PCDHGA11: variants seen among roughly 807,000 people sequenced by gnomAD.
The protein encoded by PCDHGA11 is protocadherin gamma subfamily A, 11.
A neutral mutation model predicts 60.4 loss-of-function variants in PCDHGA11; 39 were observed. That is an observed-to-expected ratio of 0.65 (90% CI 0.50 to 0.84). PCDHGA11 has a LOEUF of 0.84. PCDHGA11 is among the 40% of genes least tolerant of loss of function. The pLI is 0.00. For synonymous variants in PCDHGA11, 533 were observed against 510.3 expected, an observed-to-expected ratio of 1.04 and a Z score of -0.60; for missense variants, 1,165 against 1,197.7, an observed-to-expected ratio of 0.97 and a Z score of 0.40.
rs778054090 is a variant in PCDHGA11 at position 141,505,509 on chromosome 5, G to C, written c.2581+28G>C. On this transcript the variant is annotated intron_variant, in intron 3 of 3. Coordinates refer to ENST00000398587, the MANE Select transcript of PCDHGA11 (RefSeq NM_018914.3). ...AAGTGGTGTCAGTGTGTGTATGGAA[G>C]AGTGGGAGACCTGGGGTTCTGGGGT... The C allele has an allele frequency of 3.7e-6, 6 of 1,614,058 alleles. No homozygotes were observed. The East Asian group carries it at 1.1e-4, about 30-fold the overall frequency.
rs141556649 is a variant in PCDHGA11 at position 141,492,225 on chromosome 5, C to T, written c.2434-2582C>T. ...GTGTGCGCGCGGGGCTCATGCGTGT[C>T]CTCCCTGCTGGCCACCCCCACGGCC... On this transcript the variant is annotated intron_variant, in intron 1 of 3. Transcript: ENST00000398587. Among the ~76,000 whole-genome samples the T allele has an allele frequency of 2.4e-3, 361 of 152,274 alleles. No individual in the cohort carries two copies. In the Middle Eastern group the frequency reaches 0.024, roughly 10 times the overall value.
In PCDHGA11 at chr5:141,432,508, G is replaced by A. The variant is rs1306067848; in HGVS notation, c.2433+8848G>A. ...TGGAGCTGGCTCCCCGCTCCGCAGA[G>A]CCCGGCTACCTGGTGACCAAGGTGG... On this transcript the variant is annotated intron_variant, in intron 1 of 3. Coordinates refer to ENST00000398587, the MANE Select transcript of PCDHGA11 (RefSeq NM_018914.3). This position sits in a 1 kb window ranked among gnomAD's most constrained non-coding sequence, Gnocchi z 6.0. The A allele has an allele frequency of 1.9e-6, 3 of 1,614,136 alleles. No individual in the cohort carries two copies. Among genetic ancestry groups the A allele is most frequent in the Non-Finnish European group, 2.5e-6 (3 of 1,180,034 alleles).
intron 1 of PCDHGA11, among the ~76,000 whole-genome samples, chr5:141,472,242 A>T (rs1342571385): frequency 6.6e-6 from 1 of 152,186 alleles, no homozygotes; most frequent in East Asian, 1.9e-4. Flanking sequence ...TTCACTTTCT[A>T]TTTTAAAGTT....
chr5:141,485,060 G>C lies in PCDHGA11; in HGVS notation c.2434-9747G>C. ...ACCCTTGCGGCGCCGGCCGAACCGCGCCAGAGCTGGCGCGGGGAAAGGGAG... is the reference window on the plus strand; with the variant it reads ...ACCCTTGCGGCGCCGGCCGAACCGCCCCAGAGCTGGCGCGGGGAAAGGGAG... On this transcript the variant is annotated intron_variant, in intron 1 of 3. Transcript: ENST00000398587. This position sits in a 1 kb window ranked among gnomAD's most constrained non-coding sequence, Gnocchi z 5.7. 1 of 862,304 alleles carries C rather than the reference G, an allele frequency of 1.2e-6. No individual in the cohort carries two copies. The highest frequency in any genetic ancestry group is 1.9e-6 in the Non-Finnish European group (1 of 540,422). 53.4% of individuals were successfully genotyped at this position (862,304 alleles called of 1,614,324 possible).
intron 1 of PCDHGA11, among the ~76,000 whole-genome samples, chr5:141,481,790 A>C (rs2154579313): frequency 6.6e-6 from 1 of 152,222 alleles, no homozygotes; most frequent in East Asian, 1.9e-4. Flanking sequence ...CGTCTCTACT[A>C]AAAATACAAA....
intron 1 of PCDHGA11, among the ~76,000 whole-genome samples, chr5:141,445,871 T>C (rs1318495005): frequency 6.6e-6 from 1 of 152,198 alleles, no homozygotes; most frequent in Non-Finnish European, 1.5e-5. Context: ...TTGTTCTAAA[T>C]ACCCTTGTAC....
At chr5:141,482,790 G>A (rs2099572686) in intron 1 of PCDHGA11, among the ~76,000 whole-genome samples, 1 of 128,870 alleles carries the variant, frequency 7.8e-6, no homozygotes, top group African/African-American at 3.5e-5. Context: ...CTGTGTGTGT[G>A]GCCGGGTACG....
Position 141,490,486 on chromosome 5 carries a change from G to A in PCDHGA11, c.2434-4321G>A, listed in dbSNP as rs1187388706. The A allele has an allele frequency of 1.2e-6, 2 of 1,614,090 alleles. No individual in the cohort carries two copies. On this transcript the variant is annotated intron_variant, in intron 1 of 3. Transcript: ENST00000398587. The surrounding 1 kb of genome is among the most constrained non-coding windows in gnomAD (Gnocchi z 5.4). ...AACCAGCCAGCCTTTGGACCGGGAG[G>A]CCACATCCCACTATATCATCGAGCT...
chr5:141,466,068 G>C (rs1278308918), intron 1 of PCDHGA11, among the ~76,000 whole-genome samples: 4 of 152,080 alleles, frequency 2.6e-5, no homozygotes, highest in Admixed American at 2.6e-4. Flanking sequence ...CTTGCAGTGA[G>C]CTGATATCAT....
At position 141,423,248 on chromosome 5, in the gene PCDHGA11, C is replaced by A; in HGVS notation, c.2021C>A (p.Ala674Glu). Residue 674 changes from alanine (A) to glutamate (E), a missense_variant, in exon 1 of 4, where the codon GCG becomes GAG. Physicochemically the swap from Ala to Glu is moderately radical, Grantham distance 107. Coordinates refer to ENST00000398587, the MANE Select transcript of PCDHGA11 (RefSeq NM_018914.3). ...GCCGACAGCATCCCCGAAGTCCTGGCGGACCTCGGCAGCCTCGAGTCTCTG... is the reference window on the plus strand; with the variant it reads ...GCCGACAGCATCCCCGAAGTCCTGGAGGACCTCGGCAGCCTCGAGTCTCTG... ...AVADSIPEVL[A>E]DLGSLESLAN... The A allele has an allele frequency of 6.2e-7, 1 of 1,613,888 alleles. No homozygotes were observed. The highest frequency in any genetic ancestry group is 8.5e-7 in the Non-Finnish European group (1 of 1,179,982).
At position 141,432,595 on chromosome 5, in the gene PCDHGA11, C is replaced by G; in HGVS notation, c.2433+8935C>G. 6.2e-7 allele frequency: 1 copy of G among 1,613,756 alleles called. No individual in the cohort carries two copies. Among genetic ancestry groups the G allele is most frequent in the Admixed American group, 1.7e-5 (1 of 60,018 alleles). ...TGTCCTACCGTCTGCTCAAGGCCAG[C>G]GAGCCGGGACTCTTCTCGGTGGGTC... On this transcript the variant is annotated intron_variant, in intron 1 of 3. Transcript: ENST00000398587. This position sits in a 1 kb window ranked among gnomAD's most constrained non-coding sequence, Gnocchi z 6.0.
rs188373658 is a variant in PCDHGA11 at position 141,492,228 on chromosome 5, C to T, written c.2434-2579C>T. ...TGCGCGCGGGGCTCATGCGTGTCCT[C>T]CCTGCTGGCCACCCCCACGGCCCAC... On this transcript the variant is annotated intron_variant, in intron 1 of 3. Coordinates refer to ENST00000398587, the MANE Select transcript of PCDHGA11 (RefSeq NM_018914.3). Among the ~76,000 whole-genome samples the T allele has an allele frequency of 5.3e-5, 8 of 152,292 alleles. No individual in the cohort carries two copies. In the East Asian group the frequency reaches 1.2e-3, roughly 22 times the overall value.
Position 141,431,669 on chromosome 5 carries a change from A to G in PCDHGA11, c.2433+8009A>G, listed in dbSNP as rs2154554523. ...TTGTAATTCAGGGACAATATCAACA[A>G]TAGGGGAGTTGGACCACGAGGAGTC... On this transcript the variant is annotated intron_variant, in intron 1 of 3. Transcript: ENST00000398587. The surrounding 1 kb of genome is among the most constrained non-coding windows in gnomAD (Gnocchi z 4.8). 2 of 1,614,210 alleles carry G rather than the reference A, an allele frequency of 1.2e-6. No individual in the cohort carries two copies. Among genetic ancestry groups the G allele is most frequent in the South Asian group, 1.1e-5 (1 of 91,084 alleles).
chr5:141,430,560 G>T (rs1184226832), intron 1 of PCDHGA11: 1 of 420,160 alleles, frequency 2.4e-6, no homozygotes, highest in Non-Finnish European at 4.1e-6. Context: ...ACCAATCGGG[G>T]AGAGAAAAGC....
chr5:141,486,322 A>G lies in PCDHGA11; in HGVS notation c.2434-8485A>G. The G allele has an allele frequency of 1.9e-6, 3 of 1,613,926 alleles. No homozygotes were observed. The highest frequency in any genetic ancestry group is 2.5e-6 in the Non-Finnish European group (3 of 1,179,962). On this transcript the variant is annotated intron_variant, in intron 1 of 3. Coordinates refer to ENST00000398587, the MANE Select transcript of PCDHGA11 (RefSeq NM_018914.3). This position sits in a 1 kb window ranked among gnomAD's most constrained non-coding sequence, Gnocchi z 5.0. ...AGGATCCAGACTCAGGGTCAAACGG[A>G]GATGTGAGCCTCCGCATTCCTGACC...
chr5:141,443,309 C>T (rs2098379780), intron 1 of PCDHGA11, among the ~76,000 whole-genome samples: 1 of 131,436 alleles, frequency 7.6e-6, no homozygotes, highest in African/African-American at 3.4e-5. Flanking sequence ...GGCAAAAACC[C>T]ATCTCTACAA....
Position 141,510,982 on chromosome 5 carries a change from G to A in PCDHGA11, c.2617G>A (p.Ala873Thr). The A allele has an allele frequency of 3.1e-6, 5 of 1,614,166 alleles. No homozygotes were observed. Among genetic ancestry groups the A allele is most frequent in the Non-Finnish European group, 3.4e-6 (4 of 1,180,018 alleles). Reference protein sequence around the residue: ...ADGSSTLGGGAGTMGLSARYG... With the variant: ...ADGSSTLGGGTGTMGLSARYG... Reference sequence around the variant, plus strand: ...TGGGAGCTCCACCCTGGGAGGGGGTGCCGGCACCATGGGATTGAGCGCCCG... The same window carrying A: ...TGGGAGCTCCACCCTGGGAGGGGGTACCGGCACCATGGGATTGAGCGCCCG... The change falls in exon 4 of 4, where the codon GCC (alanine) becomes ACC (threonine). Residue 873 changes from alanine to threonine, a missense_variant. Coordinates refer to ENST00000398587, the MANE Select transcript of PCDHGA11 (RefSeq NM_018914.3).
At position 141,423,237 on chromosome 5, in the gene PCDHGA11, C is replaced by A; in HGVS notation, c.2010C>A (p.Pro670=). The A allele has an allele frequency of 6.2e-7, 1 of 1,613,916 alleles. No individual in the cohort carries two copies. Among genetic ancestry groups the A allele is most frequent in the Non-Finnish European group, 8.5e-7 (1 of 1,180,022 alleles). The change falls in exon 1 of 4, where the codon CCC becomes CCA. Residue 670 remains proline (P), a synonymous_variant. Coordinates refer to ENST00000398587, the MANE Select transcript of PCDHGA11 (RefSeq NM_018914.3). The part of the protein sequence containing the change: ...TLTVAVADSI[P]EVLADLGSLE... ...CCGTGGCTGTGGCCGACAGCATCCC[C>A]GAAGTCCTGGCGGACCTCGGCAGCC... is the stretch of plus-strand genomic sequence containing the variant.
Position 141,486,446 on chromosome 5 carries a change from G to T in PCDHGA11, c.2434-8361G>T. ...GGCCAAATCTAGCTATGACATCATGGTCACTGCTTCTGATGCTGGGAACCC... is the reference window on the plus strand; with the variant it reads ...GGCCAAATCTAGCTATGACATCATGTTCACTGCTTCTGATGCTGGGAACCC... On this transcript the variant is annotated intron_variant, in intron 1 of 3. Coordinates refer to ENST00000398587, the MANE Select transcript of PCDHGA11 (RefSeq NM_018914.3). The surrounding 1 kb of genome is among the most constrained non-coding windows in gnomAD (Gnocchi z 5.0). 2 of 1,614,126 alleles carry T rather than the reference G, an allele frequency of 1.2e-6. No individual in the cohort carries two copies. Among genetic ancestry groups the T allele is most frequent in the Non-Finnish European group, 1.7e-6 (2 of 1,180,004 alleles).
Sources: allele counts gnomAD v4.1 joint callset (sites outside exome capture counted in the v4.1 genomes callset), GRCh38; gene constraint gnomAD v4.1.1; non-coding constraint Gnocchi (gnomAD v3.1); transcripts MANE v1.5; gene names NCBI Gene and HGNC (gene_info 2026-07-23, HGNC 2026-07-21).